The following AUH variants were observed in gnomAD, a reference collection of about 807,000 sequenced individuals.
The protein encoded by AUH is AU RNA binding methylglutaconyl-CoA hydratase, also known as methylglutaconyl-CoA hydratase, mitochondrial.
A neutral mutation model predicts 42.3 loss-of-function variants in AUH; 29 were observed. The observed-to-expected ratio is 0.69, with a 90% CI of 0.51 to 0.93. AUH has a LOEUF of 0.93. Ranked by LOEUF, AUH falls within the 40% of genes least tolerant of loss-of-function variation. The probability of loss-of-function intolerance (pLI) is 0.00; values close to 1 mark genes in which losing one functional copy is unlikely to be tolerated. For missense variants in AUH, 452 were observed against 438.1 expected, an observed-to-expected ratio of 1.03 and a Z score of -0.28; for synonymous variants, 174 against 166.4, an observed-to-expected ratio of 1.05 and a Z score of -0.35.
intron 6 of AUH, among the ~76,000 whole-genome samples, chr9:91,246,937 G>A (rs1276953863): frequency 6.6e-6 from 1 of 152,206 alleles, no homozygotes. Context: ...GCCAGCAGCG[G>A]AGCCATGCCA....
At chr9:91,343,664 G>A (rs894358001) in intron 3 of AUH, among the ~76,000 whole-genome samples, 6 of 152,048 alleles carry the variant, frequency 3.9e-5, no homozygotes, top group South Asian at 2.1e-4. Flanking sequence ...CTCGGGAGGC[G>A]GAGGTTGCAG....
At chr9:91,243,325 G>A (rs1828619125) in intron 6 of AUH, among the ~76,000 whole-genome samples, 1 of 152,150 alleles carries the variant, frequency 6.6e-6, no homozygotes, top group Non-Finnish European at 1.5e-5. Flanking sequence ...AATATAACTG[G>A]GTAATCAGAA....
At chr9:91,222,906 AAAC>A (rs1445468656) in intron 6 of AUH, among the ~76,000 whole-genome samples, 1 of 152,220 alleles carries the variant, frequency 6.6e-6, no homozygotes, top group Non-Finnish European at 1.5e-5. Context: ...TATTCAACAG[AAAC>A]AACATTTTCC....
intron 6 of AUH, among the ~76,000 whole-genome samples, chr9:91,274,723 G>C (rs1208563513): frequency 6.6e-6 from 1 of 152,108 alleles, no homozygotes; most frequent in Non-Finnish European, 1.5e-5. Flanking sequence ...GTGAACTTCA[G>C]ATAAGGAAGA....
At chr9:91,288,789 T>C (rs1826625988) in intron 6 of AUH, among the ~76,000 whole-genome samples, 1 of 152,134 alleles carries the variant, frequency 6.6e-6, no homozygotes. Context: ...CTAAACAATA[T>C]TCTTTCTAAT....
At chr9:91,271,774 A>G (rs1825152864) in intron 6 of AUH, among the ~76,000 whole-genome samples, 2 of 152,140 alleles carry the variant, frequency 1.3e-5, no homozygotes, top group African/African-American at 4.8e-5. Context: ...TCCGCCTCCC[A>G]GGTTCAAGCG....
chr9:91,312,921 AT>A (rs1828819522), intron 4 of AUH, among the ~76,000 whole-genome samples: 1 of 152,226 alleles, frequency 6.6e-6, no homozygotes, highest in South Asian at 2.1e-4. Flanking sequence ...TTTGTGATTC[AT>A]GAGGCAGGGC....
chr9:91,336,424 G>GT (rs2131942549), intron 3 of AUH, among the ~76,000 whole-genome samples: 1 of 152,218 alleles, frequency 6.6e-6, no homozygotes, highest in East Asian at 1.9e-4. Flanking sequence ...GAGGCCACGA[G>GT]TTTGAGACCA....
intron 3 of AUH, among the ~76,000 whole-genome samples, chr9:91,355,564 A>T (rs1004180053): frequency 1.3e-5 from 2 of 152,092 alleles, no homozygotes; most frequent in Non-Finnish European, 2.9e-5. Flanking sequence ...AAAAAAAAAA[A>T]GAATGAAACT....
At chr9:91,254,683 T>C (rs1829314403) in intron 6 of AUH, among the ~76,000 whole-genome samples, 1 of 152,222 alleles carries the variant, frequency 6.6e-6, no homozygotes, top group Admixed American at 6.5e-5. Flanking sequence ...TAATAAAACA[T>C]GTCAAGAACT....
At chr9:91,279,968 T>C (rs1371550419) in intron 6 of AUH, among the ~76,000 whole-genome samples, 1 of 152,192 alleles carries the variant, frequency 6.6e-6, no homozygotes, top group Non-Finnish European at 1.5e-5. Context: ...TTGTTATCAT[T>C]AGACTTGACA....
intron 4 of AUH, among the ~76,000 whole-genome samples, chr9:91,324,106 A>G (rs1033126022): frequency 2.6e-5 from 4 of 152,250 alleles, no homozygotes; most frequent in African/African-American, 4.8e-5. Flanking sequence ...GACAATATCT[A>G]TAACACATTT....
intron 4 of AUH, among the ~76,000 whole-genome samples, chr9:91,320,287 G>A (rs1829469793): frequency 6.6e-6 from 1 of 152,088 alleles, no homozygotes. Flanking sequence ...ACTAAATACG[G>A]CCTTAGAAAG....
intron 6 of AUH, among the ~76,000 whole-genome samples, chr9:91,223,099 T>C (rs796946320): frequency 5.3e-5 from 8 of 152,316 alleles, no homozygotes; most frequent in African/African-American, 1.9e-4. Flanking sequence ...TTTCTTAAGC[T>C]GGATGCATAA....
intron 6 of AUH, among the ~76,000 whole-genome samples, chr9:91,253,829 T>C (rs1408767843): frequency 1.3e-5 from 2 of 152,262 alleles, no homozygotes; most frequent in African/African-American, 4.8e-5. Flanking sequence ...CTTTGTATAC[T>C]TTAAAGTGTT....
At chr9:91,278,388 A>G (rs1440399845) in intron 6 of AUH, among the ~76,000 whole-genome samples, 2 of 152,300 alleles carry the variant, frequency 1.3e-5, no homozygotes, top group East Asian at 1.9e-4. Context: ...TTTTTTTTCC[A>G]TCTCTTCCAC....
chr9:91,340,999 A>G (rs1317443262), intron 3 of AUH, among the ~76,000 whole-genome samples: 1 of 152,262 alleles, frequency 6.6e-6, no homozygotes, highest in Non-Finnish European at 1.5e-5. Context: ...CAGTTCCCAG[A>G]GAAAGCCCTG....
rs369005196 is a variant in AUH at position 91,265,847 on chromosome 9, CT to C, written c.655+30173del. On this transcript the variant is annotated intron_variant, in intron 6 of 9. Transcript: ENST00000375731. ...GCTAGGGCTTTTCAACCCGTCTCAT[CT>C]GTAAAATCAATCCCCTCTTCCTAAA... Among the ~76,000 whole-genome samples the C allele has an allele frequency of 9.8e-4, 149 of 152,322 alleles. 1 individual carries two copies. The highest frequency in any genetic ancestry group is 3.4e-3 in the African/African-American group (140 of 41,566).
At position 91,361,634 on chromosome 9, in the gene AUH, T is replaced by A. The variant is rs775181793; in HGVS notation, c.256A>T (p.Asn86Tyr). Residue 86 changes from asparagine to tyrosine, a missense_variant, in exon 1 of 10, where the codon AAC becomes TAC. Coordinates refer to ENST00000375731, the MANE Select transcript of AUH (RefSeq NM_001698.3). ...ELRVRHLEEE[N>Y]RGIVVLGINR... ...CCCAGCGTTCGCACCTCACCTCGGT[T>A]CTCCTCCTCCAGGTGCCGCACCCGC... is the stretch of plus-strand genomic sequence containing the variant. The A allele has an allele frequency of 2.1e-5, 33 of 1,582,462 alleles. No individual in the cohort carries two copies. The highest frequency in any genetic ancestry group is 2.7e-5 in the Non-Finnish European group (32 of 1,165,318).
Sources: gnomAD v4.1 joint callset for allele counts (sites outside exome capture counted in the v4.1 genomes callset) on GRCh38, gnomAD v4.1.1 for gene constraint, MANE v1.5 for transcripts, NCBI Gene and HGNC (gene_info 2026-07-23, HGNC 2026-07-21) for gene names.